CDK14: variants seen among roughly 807,000 people sequenced by gnomAD.
The protein encoded by CDK14 is cyclin dependent kinase 14.
In CDK14, 34 loss-of-function variants were observed where a neutral mutation model predicts 60.7. That is an observed-to-expected ratio of 0.56 (90% CI 0.43 to 0.75). The LOEUF is 0.75. Among genes scored for constraint, CDK14 ranks in the 30% least tolerant of loss-of-function variants. CDK14 has a pLI of 0.00. For synonymous variants in CDK14, 197 were observed against 203.7 expected, an observed-to-expected ratio of 0.97 and a Z score of 0.28; for missense variants, 482 against 564.1, an observed-to-expected ratio of 0.85 and a Z score of 1.47.
At chr7:90,940,166 C>A (rs969198100) in intron 8 of CDK14, among the ~76,000 whole-genome samples, 4 of 152,052 alleles carry the variant, frequency 2.6e-5, no homozygotes, top group African/African-American at 7.2e-5. Flanking sequence ...TTTCTTCTCT[C>A]CTGTTTTCTT....
intron 13 of CDK14, among the ~76,000 whole-genome samples, chr7:91,115,039 A>AGCAGTG (rs1196844955): frequency 5.9e-5 from 9 of 152,350 alleles, no homozygotes; most frequent in African/African-American, 9.6e-5. Flanking sequence ...TGGCAAAGGC[A>AGCAGTG]GCAGTGGCAG....
chr7:90,715,820 T>A (rs1003972738), intron 2 of CDK14, among the ~76,000 whole-genome samples: 1 of 152,020 alleles, frequency 6.6e-6, no homozygotes, highest in South Asian at 2.1e-4. Flanking sequence ...ATTTTGTAGA[T>A]TGGAAAACGC....
intron 14 of CDK14, among the ~76,000 whole-genome samples, chr7:91,134,948 CA>C (rs1800228459): frequency 6.6e-6 from 1 of 151,902 alleles, no homozygotes; most frequent in African/African-American, 2.4e-5. Context: ...GACCCTGAAC[CA>C]GCTTATTAAA....
chr7:91,178,214 G>T (rs1801846718), intron 14 of CDK14, among the ~76,000 whole-genome samples: 1 of 68,356 alleles, frequency 1.5e-5, no homozygotes, highest in African/African-American at 5.5e-5. Flanking sequence ...ATGGGGAAAG[G>T]ATTCCCTATT....
chr7:91,017,972 G>T (rs1796343526), intron 10 of CDK14, among the ~76,000 whole-genome samples: 1 of 152,172 alleles, frequency 6.6e-6, no homozygotes, highest in African/African-American at 2.4e-5. Context: ...GGTTGTGCTG[G>T]CAAACAGCAG....
At chr7:91,193,554 A>G (rs1176029382) in intron 14 of CDK14, among the ~76,000 whole-genome samples, 2 of 152,136 alleles carry the variant, frequency 1.3e-5, no homozygotes, top group African/African-American at 4.8e-5. Flanking sequence ...TAGAGTCCAT[A>G]CAACTGTGTA....
chr7:90,990,357 C>T (rs1795496469), intron 10 of CDK14, among the ~76,000 whole-genome samples: 1 of 152,074 alleles, frequency 6.6e-6, no homozygotes, highest in African/African-American at 2.4e-5. Context: ...TTAAACAACA[C>T]CTGTTAGGGT....
intron 8 of CDK14, among the ~76,000 whole-genome samples, chr7:90,928,297 C>A (rs559240963): frequency 7.8e-4 from 119 of 152,298 alleles, no homozygotes; most frequent in Non-Finnish European, 1.4e-3. Flanking sequence ...AGAAGAGGTG[C>A]TCTGATTTTT....
intron 9 of CDK14, among the ~76,000 whole-genome samples, chr7:90,963,597 T>G (rs1223679622): frequency 6.6e-6 from 1 of 151,568 alleles, no homozygotes; most frequent in Non-Finnish European, 1.5e-5. Flanking sequence ...AAAATGATGT[T>G]TATTCAGAAA....
rs570514267 is a variant in CDK14 at position 90,993,673 on chromosome 7, G to C, written c.1041+9432G>C. Among the ~76,000 whole-genome samples the C allele has an allele frequency of 2.0e-5, 3 of 152,178 alleles. No individual in the cohort carries two copies. The East Asian group carries it at 5.8e-4, about 29-fold the overall frequency. On this transcript the variant is annotated intron_variant, in intron 10 of 14. Coordinates refer to ENST00000380050, the MANE Select transcript of CDK14 (RefSeq NM_001287135.2). ...ATGGAGGGCAGATGTTGAGGGAATG[G>C]ATAATATTCATAATGCTGGTGAAAT...
At chr7:91,025,897 C>T (rs1265228638) in intron 10 of CDK14, among the ~76,000 whole-genome samples, 1 of 152,142 alleles carries the variant, frequency 6.6e-6, no homozygotes, top group Non-Finnish European at 1.5e-5. Flanking sequence ...TTCAAAAATG[C>T]CCACTCACTG....
intron 6 of CDK14, among the ~76,000 whole-genome samples, chr7:90,883,620 G>A (rs951873600): frequency 6.6e-6 from 1 of 152,100 alleles, no homozygotes; most frequent in Non-Finnish European, 1.5e-5. Flanking sequence ...ACAAAACTGG[G>A]AAGATAAACA....
chr7:90,671,067 C>T (rs1011541436), intron 2 of CDK14, among the ~76,000 whole-genome samples: 65 of 152,070 alleles, frequency 4.3e-4, no homozygotes, highest in Non-Finnish European at 9.3e-4. Context: ...TGGATGTCTT[C>T]ATCATTGTAA....
In CDK14 at chr7:90,781,038, A is replaced by G. The variant is rs370198901; in HGVS notation, c.465-9535A>G. ...CCACCAGCAGTGTAAAAGTGTTCCT[A>G]TTTCCCCACATCCTCTCCAGCACCT... is the stretch of plus-strand genomic sequence containing the variant. On this transcript the variant is annotated intron_variant, in intron 4 of 14. Transcript: ENST00000380050. Among the ~76,000 whole-genome samples the G allele has an allele frequency of 1.7e-4, 26 of 151,868 alleles. No individual in the cohort carries two copies. The East Asian group carries it at 4.5e-3, about 26-fold the overall frequency.
intron 12 of CDK14, among the ~76,000 whole-genome samples, chr7:91,096,186 G>A (rs1439254727): frequency 6.6e-6 from 1 of 151,586 alleles, no homozygotes; most frequent in Non-Finnish European, 1.5e-5. Context: ...CTTCATCCCA[G>A]GATTGGTCTT....
At chr7:91,112,120 C>T (rs1232751429) in intron 12 of CDK14, among the ~76,000 whole-genome samples, 1 of 152,064 alleles carries the variant, frequency 6.6e-6, no homozygotes, top group Non-Finnish European at 1.5e-5. Flanking sequence ...ACTTTAGTAA[C>T]TGGAGAATTT....
At chr7:90,914,785 C>G (rs1793019662) in intron 7 of CDK14, among the ~76,000 whole-genome samples, 1 of 152,092 alleles carries the variant, frequency 6.6e-6, no homozygotes, top group Admixed American at 6.6e-5. Context: ...ACTTGATTTA[C>G]CTATGTCTGC....
At chr7:90,883,794 C>G (rs1791847433) in intron 6 of CDK14, among the ~76,000 whole-genome samples, 1 of 152,160 alleles carries the variant, frequency 6.6e-6, no homozygotes, top group Admixed American at 6.5e-5. Flanking sequence ...ATATGCAAAT[C>G]AATAAATGTA....
intron 5 of CDK14, among the ~76,000 whole-genome samples, chr7:90,817,201 A>G (rs2117064598): frequency 6.6e-6 from 1 of 152,338 alleles, no homozygotes; most frequent in East Asian, 1.9e-4. Flanking sequence ...AATGTACCAT[A>G]TAGTACATTG....
Sources: gnomAD v4.1 joint callset for allele counts (sites outside exome capture counted in the v4.1 genomes callset) on GRCh38, gnomAD v4.1.1 for gene constraint, MANE v1.5 for transcripts, NCBI Gene and HGNC (gene_info 2026-07-23, HGNC 2026-07-21) for gene names.